The following UBE2H variants were observed in gnomAD, a reference collection of about 807,000 sequenced individuals.
UBE2H encodes ubiquitin conjugating enzyme E2 H.
In UBE2H, 3 loss-of-function variants were observed where a neutral mutation model predicts 29.0. The observed-to-expected ratio is 0.10, with a 90% CI of 0.05 to 0.27. UBE2H has a LOEUF of 0.27. UBE2H is among the 10% of genes least tolerant of loss of function. UBE2H has a pLI of 1.00. For missense variants in UBE2H, 68 were observed against 228.2 expected (o/e 0.30, Z 4.52); for synonymous variants, 69 against 82.9 (o/e 0.83, Z 0.91).
intron 1 of UBE2H, among the ~76,000 whole-genome samples, chr7:129,934,638 TAAAAAAAAA>T (rs758214225): frequency 7.6e-5 from 5 of 65,848 alleles, no homozygotes. Context: ...ACTCCGTCTT[TAAAAAAAAA>T]AAAAAAAAAA....
chr7:129,932,322 ACT>A (rs1255808988), intron 1 of UBE2H, among the ~76,000 whole-genome samples: 2 of 148,098 alleles, frequency 1.4e-5, no homozygotes, highest in African/African-American at 5.0e-5. Flanking sequence ...ATGGGGTTTC[ACT>A]GTGTTAGCCA....
intron 1 of UBE2H, among the ~76,000 whole-genome samples, chr7:129,900,658 T>C (rs540708998): frequency 6.6e-6 from 1 of 152,282 alleles, no homozygotes; most frequent in East Asian, 1.9e-4. Context: ...TTAGGGTACA[T>C]GTGCACATTG....
intron 5 of UBE2H, among the ~76,000 whole-genome samples, chr7:129,842,903 C>CA (rs1296042228): frequency 6.8e-6 from 1 of 147,250 alleles, no homozygotes; most frequent in Middle Eastern, 3.5e-3. Context: ...AACTCTATCT[C>CA]AAAAAAACAA....
At chr7:129,881,953 C>CA (rs1330507119) in intron 1 of UBE2H, among the ~76,000 whole-genome samples, 6 of 151,682 alleles carry the variant, frequency 4.0e-5, no homozygotes, top group Admixed American at 2.6e-4. Flanking sequence ...ACCAACAAAA[C>CA]AAAAAAAAAT....
In UBE2H at chr7:129,877,312, G is replaced by C. The variant is rs1385349180; in HGVS notation, c.205+2256C>G. Among the ~76,000 whole-genome samples the C allele has an allele frequency of 2.6e-5, 4 of 152,148 alleles. No homozygotes were observed. In the South Asian group the frequency reaches 6.2e-4, roughly 24 times the overall value. Reference sequence around the variant, plus strand: ...ATACAACAGGGGCAAGATTTAAAAAGAATGTTGAGATTGGGTTGATCTTAC... The same window carrying C: ...ATACAACAGGGGCAAGATTTAAAAACAATGTTGAGATTGGGTTGATCTTAC... On this transcript the variant is annotated intron_variant, in intron 3 of 6. Coordinates refer to ENST00000355621, the MANE Select transcript of UBE2H (RefSeq NM_003344.4).
At chr7:129,893,074 A>G (rs1806529582) in intron 1 of UBE2H, among the ~76,000 whole-genome samples, 1 of 152,200 alleles carries the variant, frequency 6.6e-6, no homozygotes, top group Non-Finnish European at 1.5e-5. Context: ...TTAAAGACCC[A>G]TTATCTTAGG....
chr7:129,922,468 G>T (rs1340819756), intron 1 of UBE2H, among the ~76,000 whole-genome samples: 1 of 151,804 alleles, frequency 6.6e-6, no homozygotes, highest in Non-Finnish European at 1.5e-5. Flanking sequence ...GTAGAGATGG[G>T]ATTTCAACAT....
At chr7:129,842,564 G>T (rs974594981) in intron 5 of UBE2H, among the ~76,000 whole-genome samples, 5 of 152,152 alleles carry the variant, frequency 3.3e-5, no homozygotes. Context: ...CCTTGGGTGG[G>T]TGAGTTATTA....
In UBE2H at chr7:129,870,497, G is replaced by A. The variant is rs114256011; in HGVS notation, c.205+9071C>T. Among the ~76,000 whole-genome samples the A allele has an allele frequency of 4.5e-3, 686 of 152,238 alleles. 6 individuals carry two copies. Among genetic ancestry groups the A allele is most frequent in the African/African-American group, 0.016 (653 of 41,542 alleles). ...CCAAGCGTGGTGGCCCATGCCTGGA[G>A]TCCAGGAGGTCCAAGCTGCAGTGAG... On this transcript the variant is annotated intron_variant, in intron 3 of 6. Coordinates refer to ENST00000355621, the MANE Select transcript of UBE2H (RefSeq NM_003344.4).
At position 129,915,308 on chromosome 7, in the gene UBE2H, G is replaced by T. The variant is rs147681306; in HGVS notation, c.54-34337C>A. 2.4e-4 allele frequency among the ~76,000 whole-genome samples: 36 copies of T among 152,220 alleles called. No homozygotes were observed. In the East Asian group the frequency reaches 6.6e-3, roughly 28 times the overall value. On this transcript the variant is annotated intron_variant, in intron 1 of 6. Coordinates refer to ENST00000355621, the MANE Select transcript of UBE2H (RefSeq NM_003344.4). Reference sequence around the variant, plus strand: ...TCCCAGCACTTTGAGAGGTTGAGACGGGCAGATCACGAGGTCAGGAGATCG... The same window carrying T: ...TCCCAGCACTTTGAGAGGTTGAGACTGGCAGATCACGAGGTCAGGAGATCG...
At chr7:129,919,664 T>C (rs113606495) in intron 1 of UBE2H, among the ~76,000 whole-genome samples, 55 of 152,276 alleles carry the variant, frequency 3.6e-4, no homozygotes, top group Admixed American at 8.5e-4. Context: ...AGGCTGCACA[T>C]TGCACCCCGT....
intron 1 of UBE2H, among the ~76,000 whole-genome samples, chr7:129,887,554 C>T (rs1487110048): frequency 6.6e-6 from 1 of 152,126 alleles, no homozygotes; most frequent in Non-Finnish European, 1.5e-5. Context: ...CATGCCTGGC[C>T]TCTCTTGAAC....
intron 1 of UBE2H, among the ~76,000 whole-genome samples, chr7:129,946,165 G>A (rs975281729): frequency 6.6e-6 from 1 of 151,020 alleles, no homozygotes; most frequent in African/African-American, 2.4e-5. Context: ...CCATTCTCCT[G>A]CCTCAGCCTC....
chr7:129,894,660 T>C (rs908628454), intron 1 of UBE2H, among the ~76,000 whole-genome samples: 4 of 151,790 alleles, frequency 2.6e-5, no homozygotes, highest in African/African-American at 7.3e-5. Flanking sequence ...GCTAATTTTT[T>C]GTATTTTTAG....
intron 1 of UBE2H, among the ~76,000 whole-genome samples, chr7:129,892,462 G>A (rs1271797238): frequency 2.0e-5 from 3 of 151,102 alleles, no homozygotes; most frequent in African/African-American, 4.9e-5. Flanking sequence ...ATATTGTCCA[G>A]GCTGGTCTCA....
At chr7:129,892,138 G>A (rs1749430597) in intron 1 of UBE2H, among the ~76,000 whole-genome samples, 2 of 152,000 alleles carry the variant, frequency 1.3e-5, no homozygotes, top group South Asian at 2.1e-4. Flanking sequence ...ATTTTTGGTA[G>A]AGACGGGGTT....
intron 1 of UBE2H, among the ~76,000 whole-genome samples, chr7:129,884,416 C>CAA (rs769298737): frequency 1.1e-3 from 88 of 82,414 alleles, no homozygotes; most frequent in Middle Eastern, 0.017. Flanking sequence ...GACTCCATCT[C>CAA]AAAAAAAAAA....
chr7:129,917,565 T>G (rs1807069441), intron 1 of UBE2H, among the ~76,000 whole-genome samples: 2 of 152,196 alleles, frequency 1.3e-5, no homozygotes, highest in South Asian at 4.1e-4. Context: ...GCAGGGACAC[T>G]GGGCAATACA....
chr7:129,863,428 A>G (rs1052818629), intron 3 of UBE2H, among the ~76,000 whole-genome samples: 3 of 152,202 alleles, frequency 2.0e-5, no homozygotes, highest in Non-Finnish European at 4.4e-5. Flanking sequence ...CTACGAAGAC[A>G]AATAGTTGAA....
Sources: allele counts gnomAD v4.1 joint callset (sites outside exome capture counted in the v4.1 genomes callset), GRCh38; gene constraint gnomAD v4.1.1; transcripts MANE v1.5; gene names NCBI Gene and HGNC (gene_info 2026-07-23, HGNC 2026-07-21).